Variants in NCAM2 observed in about 807,000 individuals in gnomAD.
NCAM2 encodes N-CAM-2.
NCAM2 carries 30 observed loss-of-function variants against 98.1 expected under a neutral mutation model. The ratio of observed to expected loss-of-function variants is 0.31; its 90% CI spans 0.23 to 0.41. The LOEUF (loss-of-function observed/expected upper bound fraction) is 0.41, where lower values mean the gene tolerates loss of function less well. Ranked by LOEUF, NCAM2 falls within the 10% of genes least tolerant of loss-of-function variation. NCAM2 has a pLI of 1.00. For synonymous variants in NCAM2, 368 were observed against 342.4 expected (o/e 1.07, Z -0.83); for missense variants, 867 against 1,005.8 (o/e 0.86, Z 1.87).
rs3039016 is a variant in NCAM2 at position 21,459,417 on chromosome 21, T to TAC, written c.1655-7173_1655-7172dup. 6.7e-3 allele frequency among the ~76,000 whole-genome samples: 991 copies of TAC among 147,452 alleles called. 9 individuals are homozygous for TAC. The highest frequency in any genetic ancestry group is 0.022 in the African/African-American group (886 of 40,034). On this transcript the variant is annotated intron_variant, in intron 12 of 17. Transcript: ENST00000400546. ...TGAATGGTTAAAGAAAATATGTATA[T>TAC]ACACACACACACACACATATGCCAT...
chr21:21,115,905 A>C (rs1601408876), intron 1 of NCAM2, among the ~76,000 whole-genome samples: 1 of 151,996 alleles, frequency 6.6e-6, no homozygotes, highest in South Asian at 2.1e-4. Flanking sequence ...GGAAATAAGA[A>C]GTTCATGGGT....
intron 1 of NCAM2, among the ~76,000 whole-genome samples, chr21:21,076,253 G>A (rs778892899): frequency 6.6e-5 from 10 of 152,000 alleles, no homozygotes; most frequent in Admixed American, 1.3e-4. Flanking sequence ...AGCTGACTGT[G>A]CATTTAATAC....
At chr21:21,429,799 A>T (rs1323740674) in intron 11 of NCAM2, among the ~76,000 whole-genome samples, 2 of 152,182 alleles carry the variant, frequency 1.3e-5, no homozygotes, top group African/African-American at 4.8e-5. Flanking sequence ...GAGTTGTAAC[A>T]TCATGTACTT....
At chr21:21,396,125 T>C (rs1480285216) in intron 9 of NCAM2, among the ~76,000 whole-genome samples, 1 of 146,434 alleles carries the variant, frequency 6.8e-6, no homozygotes, top group Non-Finnish European at 1.5e-5. Context: ...GACAAAGGAC[T>C]AATATCAAGA....
At chr21:21,036,152 T>G (rs1046652800) in intron 1 of NCAM2, among the ~76,000 whole-genome samples, 4 of 152,182 alleles carry the variant, frequency 2.6e-5, no homozygotes, top group Admixed American at 6.6e-5. Flanking sequence ...GCTTGTCAAA[T>G]ATGTCATGGA....
At chr21:21,272,488 A>G (rs1455893402) in intron 1 of NCAM2, among the ~76,000 whole-genome samples, 4 of 124,356 alleles carry the variant, frequency 3.2e-5, no homozygotes, top group African/African-American at 1.2e-4. Flanking sequence ...ACGCACACAT[A>G]CACACACATG....
At chr21:21,492,827 T>C (rs1466201139) in intron 15 of NCAM2, among the ~76,000 whole-genome samples, 1 of 151,948 alleles carries the variant, frequency 6.6e-6, no homozygotes, top group Non-Finnish European at 1.5e-5. Flanking sequence ...ATAGAGGACT[T>C]TATTTTTTCT....
intron 9 of NCAM2, among the ~76,000 whole-genome samples, chr21:21,380,904 C>A (rs1034245420): frequency 2.2e-5 from 3 of 135,140 alleles, no homozygotes; most frequent in African/African-American, 8.4e-5. Context: ...AATTAAATAC[C>A]TCTCTTTTTC....
chr21:21,339,370 A>C (rs943148150), intron 8 of NCAM2, among the ~76,000 whole-genome samples: 2 of 152,026 alleles, frequency 1.3e-5, no homozygotes, highest in African/African-American at 2.4e-5. Context: ...AATTAATGAA[A>C]CATTACTATA....
At chr21:21,235,143 A>C (rs1007030654) in intron 1 of NCAM2, among the ~76,000 whole-genome samples, 1 of 151,992 alleles carries the variant, frequency 6.6e-6, no homozygotes, top group Non-Finnish European at 1.5e-5. Flanking sequence ...AAAACATTAA[A>C]AAAAGTGGGG....
At chr21:21,322,769 G>A (rs1568932361) in intron 5 of NCAM2, among the ~76,000 whole-genome samples, 1 of 152,114 alleles carries the variant, frequency 6.6e-6, no homozygotes, top group Non-Finnish European at 1.5e-5. Flanking sequence ...GAAAGACTTG[G>A]AAGACTCAGA....
At chr21:21,018,722 A>G (rs2064369046) in intron 1 of NCAM2, among the ~76,000 whole-genome samples, 1 of 152,108 alleles carries the variant, frequency 6.6e-6, no homozygotes, top group Non-Finnish European at 1.5e-5. Context: ...GCATTTCCAT[A>G]TTTTCAGGTA....
At chr21:21,353,269 C>T (rs2075389929) in intron 8 of NCAM2, among the ~76,000 whole-genome samples, 1 of 152,126 alleles carries the variant, frequency 6.6e-6, no homozygotes, top group Non-Finnish European at 1.5e-5. Context: ...GGAATACCAT[C>T]TAAAAAATGA....
chr21:21,302,566 C>A (rs992483020), intron 5 of NCAM2, among the ~76,000 whole-genome samples: 7 of 152,054 alleles, frequency 4.6e-5, no homozygotes, highest in Non-Finnish European at 8.8e-5. Context: ...CTGTCTCACA[C>A]CACTCAGAAG....
Position 21,338,440 on chromosome 21 carries a change from A to G in NCAM2, c.950A>G (p.Gln317Arg). ...AATGAAACTACATATGAGAATGGTC[A>G]AGTCACACTCGTATGTGATGCGGAA... ...LKNETTYENG[Q>R]VTLVCDAEGE... The change falls in exon 8 of 18, where the codon CAA (glutamine) becomes CGA (arginine). Residue 317 changes from glutamine (Q) to arginine (R), a missense_variant. Transcript: ENST00000400546. 6.2e-7 allele frequency: 1 copy of G among 1,612,714 alleles called. No individual in the cohort carries two copies. Among genetic ancestry groups the G allele is most frequent in the Non-Finnish European group, 8.5e-7 (1 of 1,179,080 alleles).
chr21:21,064,808 T>C lies in NCAM2; in HGVS notation c.55+66190T>C, dbSNP rs2065398976. Among the ~76,000 whole-genome samples, 2 of 152,164 alleles carry C rather than the reference T, an allele frequency of 1.3e-5. 1 individual carries two copies. The highest frequency in any genetic ancestry group is 4.1e-4 in the South Asian group (2 of 4,828). On this transcript the variant is annotated intron_variant, in intron 1 of 17. Coordinates refer to ENST00000400546, the MANE Select transcript of NCAM2 (RefSeq NM_004540.5). ...TACTATATTTTTCAGTGTGTAAACC[T>C]AGATGTCAAATGAGTTAAGAACTTG...
chr21:21,485,140 T>A (rs1348715477), intron 15 of NCAM2, among the ~76,000 whole-genome samples: 1 of 152,184 alleles, frequency 6.6e-6, no homozygotes, highest in Non-Finnish European at 1.5e-5. Flanking sequence ...TGCTGCTTAT[T>A]TTCCCTTTGT....
chr21:21,265,664 A>G (rs953785561), intron 1 of NCAM2, among the ~76,000 whole-genome samples: 1 of 151,684 alleles, frequency 6.6e-6, no homozygotes, highest in African/African-American at 2.4e-5. Flanking sequence ...CAGAAACAGA[A>G]AAACAAATGC....
chr21:21,395,417 A>T (rs183304851), intron 9 of NCAM2, among the ~76,000 whole-genome samples: 6 of 152,328 alleles, frequency 3.9e-5, no homozygotes, highest in African/African-American at 1.4e-4. Flanking sequence ...GAAATATATC[A>T]AAGGTGGTTA....
Sources: gnomAD v4.1 joint callset for allele counts (sites outside exome capture counted in the v4.1 genomes callset) on GRCh38, gnomAD v4.1.1 for gene constraint, MANE v1.5 for transcripts, NCBI Gene and HGNC (gene_info 2026-07-23, HGNC 2026-07-21) for gene names.